The following RBM5 variants were observed in gnomAD, a reference collection of about 807,000 sequenced individuals.
RBM5 encodes RNA binding motif protein 5, also known as RNA-binding protein 5.
A neutral mutation model predicts 124.6 loss-of-function variants in RBM5; 15 were observed. That is an observed-to-expected ratio of 0.12 (90% CI 0.08 to 0.19). The LOEUF (loss-of-function observed/expected upper bound fraction) is 0.19. RBM5 is among the 10% of genes least tolerant of loss of function. The pLI, the probability that RBM5 is intolerant of heterozygous loss-of-function variation, is 1.00. For synonymous variants in RBM5, 337 were observed against 361.2 expected, an observed-to-expected ratio of 0.93 and a Z score of 0.76; for missense variants, 580 against 1,026.5, an observed-to-expected ratio of 0.57 and a Z score of 5.94.
At chr3:50,103,570 C>T (rs931889313) in intron 7 of RBM5, among the ~76,000 whole-genome samples, 2 of 152,072 alleles carry the variant, frequency 1.3e-5, no homozygotes, top group African/African-American at 4.8e-5. Context: ...CTCTTGAACA[C>T]GGGAGGCAGA....
Position 50,117,455 on chromosome 3 carries a change from G to T in RBM5, c.2322+76G>T. On this transcript the variant is annotated intron_variant, in intron 24 of 24. Transcript: ENST00000347869. This position sits in a 1 kb window ranked among gnomAD's most constrained non-coding sequence, Gnocchi z 4.2. ...CAGAGATGAGATCAGAGCACTCATA[G>T]AGCCTGGGAGCCAGGAGCAGCTTTA... 6.3e-7 allele frequency: 1 copy of T among 1,575,652 alleles called. No individual in the cohort carries two copies. Among genetic ancestry groups the T allele is most frequent in the Non-Finnish European group, 8.6e-7 (1 of 1,156,752 alleles).
In RBM5 at chr3:50,100,852, T is replaced by C; in HGVS notation, c.483+247T>C. On this transcript the variant is annotated intron_variant, in intron 6 of 24. Coordinates refer to ENST00000347869, the MANE Select transcript of RBM5 (RefSeq NM_005778.4). This position sits in a 1 kb window ranked among gnomAD's most constrained non-coding sequence, Gnocchi z 5.1. ...TGTTAACTACTGAATACCTGTCTGG[T>C]AATCACTAAAACATCTTAATGTTTC... 1 of 404,904 alleles carries C rather than the reference T, an allele frequency of 2.5e-6. No homozygotes were observed. Among genetic ancestry groups the C allele is most frequent in the Middle Eastern group, 6.5e-4 (1 of 1,532 alleles). 25.1% of individuals were successfully genotyped at this position (404,904 alleles called of 1,614,324 possible).
intron 10 of RBM5, among the ~76,000 whole-genome samples, 191 bp from the exon 11 acceptor site, chr3:50,106,576 G>T (rs2091037230): frequency 6.6e-6 from 1 of 152,122 alleles, no homozygotes; most frequent in Non-Finnish European, 1.5e-5. Flanking sequence ...TGCTCTTTTG[G>T]TAATACTGGA....
At chr3:50,099,873 T>TA in intron 4 of RBM5, 109 bp from the exon 5 acceptor site, 1 of 959,240 alleles carries the variant, frequency 1.0e-6, no homozygotes, top group Non-Finnish European at 1.5e-6. Context: ...GACTCCCATC[T>TA]TAAAAAAAAA....
Position 50,117,056 on chromosome 3 carries a change from G to GT in RBM5, c.2095-12dup, listed in dbSNP as rs1186144016. 5 of 1,607,512 alleles carry GT rather than the reference G, an allele frequency of 3.1e-6. No individual in the cohort carries two copies. The highest frequency in any genetic ancestry group is 4.5e-5 in the East Asian group (2 of 44,856). On this transcript the variant is annotated splice_polypyrimidine_tract_variant and intron_variant, in intron 22 of 24. Transcript: ENST00000347869. The surrounding 1 kb of genome is among the most constrained non-coding windows in gnomAD (Gnocchi z 4.2). ...GAAGTCTGTGAACATTTCCAGCAGT[G>GT]TTTTTTCTCCCATGTAGATGAAATA...
Position 50,114,248 on chromosome 3 carries a change from C to T in RBM5, c.1836C>T (p.Leu612=), listed in dbSNP as rs1449331070. 22 of 1,606,712 alleles carry T rather than the reference C, an allele frequency of 1.4e-5. No homozygotes were observed. Among genetic ancestry groups the T allele is most frequent in the Non-Finnish European group, 1.9e-5 (22 of 1,178,276 alleles). ...GAAATGGAGATGAGGAGAATCCCCTCAAAGTAAGGGAGTACCACCAGTGTT... is the reference window on the plus strand; with the variant it reads ...GAAATGGAGATGAGGAGAATCCCCTTAAAGTAAGGGAGTACCACCAGTGTT... ...LVRNGDEENP[L]KRGLVAAYSG... The change falls in exon 20 of 25, where the codon CTC becomes CTT. Residue 612 remains leucine (L), a synonymous_variant. Coordinates refer to ENST00000347869, the MANE Select transcript of RBM5 (RefSeq NM_005778.4).
intron 4 of RBM5, among the ~76,000 whole-genome samples, chr3:50,095,598 A>G (rs974950688): frequency 1.3e-5 from 2 of 151,504 alleles, no homozygotes; most frequent in Non-Finnish European, 2.9e-5. Context: ...CCATTGCTCT[A>G]CTGTTGTGCC....
intron 24 of RBM5, 122 bp from the exon 25 acceptor site, chr3:50,118,209 C>A: frequency 1.5e-6 from 2 of 1,327,586 alleles, no homozygotes; most frequent in South Asian, 1.4e-5. Flanking sequence ...TCCTTGTCTT[C>A]ATATACAGTT....
At chr3:50,113,596 G>A (rs1275951124) in intron 18 of RBM5, 52 bp downstream of exon 18, 1 of 1,528,630 alleles carries the variant, frequency 6.5e-7, no homozygotes, top group South Asian at 1.2e-5. Flanking sequence ...TGAACTCTTA[G>A]TTTTGGGGTT....
At position 50,113,422 on chromosome 3, in the gene RBM5, G is replaced by A. The variant is rs770095877; in HGVS notation, c.1495G>A (p.Asp499Asn). 6.2e-7 allele frequency: 1 copy of A among 1,613,978 alleles called. No homozygotes were observed. Among genetic ancestry groups the A allele is most frequent in the Non-Finnish European group, 8.5e-7 (1 of 1,180,008 alleles). ...NSLTQQYLYW[D>N]GEKETYVPAA... ...CTTGACCCAGCAGTACCTTTACTGG[G>A]ATGGGGAAAAAGAGACCTACGTGCC... The change falls in exon 18 of 25, where the codon GAT (aspartate) becomes AAT (asparagine). Residue 499 changes from aspartate to asparagine, a missense_variant. By Grantham distance (23) the Asp-to-Asn change is conservative. Around this residue, in one of 6 missense-constraint regions of RBM5, gnomAD observed 234 missense variants for 435.1 expected, o/e 0.54. Transcript: ENST00000347869.
chr3:50,099,126 G>T lies in RBM5; in HGVS notation c.340-856G>T, dbSNP rs545038446. ...AAAAATTAACCAGGTGTGGTGGTGT[G>T]CATTTGTAGTCCCAGCTACTTAGGA... On this transcript the variant is annotated intron_variant, in intron 4 of 24. Transcript: ENST00000347869. Among the ~76,000 whole-genome samples the T allele has an allele frequency of 2.4e-3, 372 of 152,072 alleles. 2 individuals are homozygous for T. Among genetic ancestry groups the T allele is most frequent in the Admixed American group, 0.012 (181 of 15,264 alleles).
intron 6 of RBM5, chr3:50,102,514 A>G (rs1181197636): frequency 1.3e-5 from 2 of 152,664 alleles, no homozygotes; most frequent in Admixed American, 6.5e-5. Flanking sequence ...GGCATTCAGA[A>G]TAGTCCCTCT....
intron 11 of RBM5, 35 bp downstream of exon 11, chr3:50,106,899 G>A (rs1430016547): frequency 6.8e-7 from 1 of 1,475,138 alleles, no homozygotes. Flanking sequence ...TCAAACTACT[G>A]CATATGCACA....
chr3:50,098,496 G>A (rs1284294014), intron 4 of RBM5, among the ~76,000 whole-genome samples: 1 of 151,842 alleles, frequency 6.6e-6, no homozygotes, highest in East Asian at 2.0e-4. Context: ...AGGCTGGAGT[G>A]CAGTGGCGCG....
At chr3:50,111,818 T>G (rs2091149572) in intron 17 of RBM5, among the ~76,000 whole-genome samples, 1 of 152,184 alleles carries the variant, frequency 6.6e-6, no homozygotes, top group Non-Finnish European at 1.5e-5. Context: ...GTGGCATATA[T>G]AACTTTTAAA....
At position 50,105,581 on chromosome 3, in the gene RBM5, G is replaced by C. The variant is rs1409917288; in HGVS notation, c.727G>C (p.Val243Leu). The C allele has an allele frequency of 3.1e-6, 5 of 1,614,048 alleles. No individual in the cohort carries two copies. Among genetic ancestry groups the C allele is most frequent in the African/African-American group, 1.3e-5 (1 of 74,930 alleles). The change falls in exon 10 of 25, where the codon GTG becomes CTG. Residue 243 changes from valine (V) to leucine (L), a missense_variant. Val to Leu is a conservative substitution (Grantham distance 32, BLOSUM62 1). Around this residue, in one of 6 missense-constraint regions of RBM5, gnomAD observed 101 missense variants for 223.2 expected, o/e 0.45. Coordinates refer to ENST00000347869, the MANE Select transcript of RBM5 (RefSeq NM_005778.4). ...IILRNIAPHT[V>L]VDSIMTALSP... The stretch of plus-strand genomic sequence containing the variant: ...TCTTCGGAACATAGCTCCGCACACT[G>C]TGGTGGATTCCATCATGACAGCACT...
intron 2 of RBM5, among the ~76,000 whole-genome samples, chr3:50,091,397 G>A (rs1387734119): frequency 6.6e-6 from 1 of 152,132 alleles, no homozygotes; most frequent in Non-Finnish European, 1.5e-5. Context: ...GGTCAAATAG[G>A]TTTAAGCCTC....
chr3:50,104,430 G>T (rs1011466090), intron 8 of RBM5, 122 bp downstream of exon 8: 3 of 919,254 alleles, frequency 3.3e-6, no homozygotes, highest in Middle Eastern at 2.4e-4. Context: ...TTGAGGACAG[G>T]AGTTCAATAC....
At chr3:50,114,156 C>A in intron 19 of RBM5, 24 bp from the exon 20 acceptor site, 1 of 1,614,120 alleles carries the variant, frequency 6.2e-7, no homozygotes, top group Non-Finnish European at 8.5e-7. Flanking sequence ...ACTTGAGTCT[C>A]ATGGCTTGTC....
Sources: gnomAD v4.1 joint callset for allele counts (sites outside exome capture counted in the v4.1 genomes callset) on GRCh38, gnomAD v4.1.1 for gene constraint, gnomAD v4.1.1 regional missense constraint, Gnocchi (gnomAD v3.1) non-coding constraint, MANE v1.5 for transcripts, NCBI Gene and HGNC (gene_info 2026-07-23, HGNC 2026-07-21) for gene names.